The following CRPPA variants were observed in gnomAD, a reference collection of about 807,000 sequenced individuals.
CRPPA encodes the protein CDP-L-ribitol pyrophosphorylase A, also known as D-ribitol-5-phosphate cytidylyltransferase.
Under a neutral mutation model 52.0 loss-of-function variants are expected in CRPPA, and 43 were observed. The observed-to-expected ratio is 0.83, with a 90% CI of 0.65 to 1.07. The LOEUF (loss-of-function observed/expected upper bound fraction) is 1.07, where lower values mean the gene tolerates loss of function less well. Among genes scored for constraint, CRPPA ranks in the 50% least tolerant of loss-of-function variants. The pLI, the probability that CRPPA is intolerant of heterozygous loss-of-function variation, is 0.00. For missense variants in CRPPA, 629 were observed against 551.7 expected (o/e 1.14, Z -1.40); for synonymous variants, 250 against 203.5 (o/e 1.23, Z -1.94).
intron 1 of CRPPA, among the ~76,000 whole-genome samples, chr7:16,407,012 G>C (rs764767617): frequency 6.6e-6 from 1 of 152,192 alleles, no homozygotes; most frequent in Non-Finnish European, 1.5e-5. Flanking sequence ...GTCTCACTCT[G>C]TGCCCCATGC....
intron 5 of CRPPA, among the ~76,000 whole-genome samples, chr7:16,279,011 T>C (rs1423218295): frequency 6.6e-6 from 1 of 152,226 alleles, no homozygotes; most frequent in Non-Finnish European, 1.5e-5. Context: ...TTCTGTCTTA[T>C]AATTAACAGC....
At chr7:16,356,968 C>T (rs1786311684) in intron 3 of CRPPA, among the ~76,000 whole-genome samples, 2 of 152,050 alleles carry the variant, frequency 1.3e-5, no homozygotes, top group African/African-American at 4.8e-5. Flanking sequence ...AATGAAAAGC[C>T]AAAGATGTTT....
chr7:16,385,502 G>A (rs903423421), intron 2 of CRPPA, among the ~76,000 whole-genome samples: 1 of 152,084 alleles, frequency 6.6e-6, no homozygotes, highest in Non-Finnish European at 1.5e-5. Context: ...TCACTAATAG[G>A]AAAAATATCT....
intron 4 of CRPPA, among the ~76,000 whole-genome samples, chr7:16,302,326 A>C (rs1784807401): frequency 2.1e-5 from 3 of 143,946 alleles, no homozygotes; most frequent in African/African-American, 5.1e-5. Context: ...AAAAAATGCA[A>C]CCTCCTCATA....
At chr7:16,229,919 T>C (rs1782748250) in intron 8 of CRPPA, among the ~76,000 whole-genome samples, 2 of 151,896 alleles carry the variant, frequency 1.3e-5, no homozygotes, top group African/African-American at 4.9e-5. Context: ...TATTCTTGGC[T>C]GACAGTTTTT....
intron 3 of CRPPA, among the ~76,000 whole-genome samples, chr7:16,333,285 T>C (rs1226526535): frequency 1.3e-5 from 2 of 152,198 alleles, no homozygotes; most frequent in East Asian, 3.9e-4. Flanking sequence ...TTGATATCTA[T>C]TGACTACTTC....
intron 5 of CRPPA, among the ~76,000 whole-genome samples, chr7:16,298,963 C>G (rs1051207153): frequency 2.0e-5 from 3 of 152,188 alleles, no homozygotes; most frequent in Non-Finnish European, 4.4e-5. Flanking sequence ...GGAACTCTAC[C>G]ACTGGCTTTC....
intron 9 of CRPPA, among the ~76,000 whole-genome samples, chr7:16,186,888 TC>T (rs1781514988): frequency 1.3e-5 from 2 of 152,266 alleles, no homozygotes; most frequent in South Asian, 2.1e-4. Context: ...TTCAATGCAT[TC>T]AACGTTTGTT....
chr7:16,327,702 A>G (rs1471520124), intron 3 of CRPPA, among the ~76,000 whole-genome samples: 1 of 151,948 alleles, frequency 6.6e-6, no homozygotes, highest in Non-Finnish European at 1.5e-5. Context: ...ACATTCATAC[A>G]TTCAATTTAT....
intron 9 of CRPPA, chr7:16,208,945 G>C: frequency 2.6e-6 from 1 of 383,278 alleles, no homozygotes; most frequent in Non-Finnish European, 5.2e-6. Context: ...TCCCACAAAC[G>C]TGGTGAACAT....
intron 8 of CRPPA, among the ~76,000 whole-genome samples, chr7:16,256,170 T>C (rs1343401772): frequency 6.6e-6 from 1 of 152,130 alleles, no homozygotes; most frequent in Non-Finnish European, 1.5e-5. Context: ...GACACTTATG[T>C]AGCCAAGAAA....
intron 9 of CRPPA, among the ~76,000 whole-genome samples, chr7:16,214,953 T>C (rs1249983033): frequency 6.6e-6 from 1 of 152,208 alleles, no homozygotes; most frequent in African/African-American, 2.4e-5. Context: ...AATTCCATTA[T>C]CCTACGTGAA....
chr7:16,276,681 T>C (rs1185020772), intron 6 of CRPPA: 2 of 152,156 alleles, frequency 1.3e-5, no homozygotes, highest in Non-Finnish European at 2.9e-5. Context: ...CCAAAATGAT[T>C]TTTAAGGTAT....
At chr7:16,210,717 T>C (rs1180439219) in intron 9 of CRPPA, 1 of 152,180 alleles carries the variant, frequency 6.6e-6, no homozygotes, top group Non-Finnish European at 1.5e-5. Flanking sequence ...TGTTGGGTTA[T>C]ATAGTAATAG....
intron 1 of CRPPA, among the ~76,000 whole-genome samples, chr7:16,412,213 TCAAA>T (rs1403640539): frequency 1.3e-5 from 2 of 152,178 alleles, no homozygotes; most frequent in Non-Finnish European, 2.9e-5. Context: ...CCAGTATTTC[TCAAA>T]CTGCCAATTT....
At chr7:16,410,135 CCCT>C (rs1788047438) in intron 1 of CRPPA, among the ~76,000 whole-genome samples, 1 of 152,164 alleles carries the variant, frequency 6.6e-6, no homozygotes, top group South Asian at 2.1e-4. Context: ...AGGTATTTGA[CCCT>C]CTGCTCTGGT....
intron 8 of CRPPA, among the ~76,000 whole-genome samples, chr7:16,245,243 G>A (rs1783237780): frequency 6.6e-6 from 1 of 152,172 alleles, no homozygotes; most frequent in African/African-American, 2.4e-5. Flanking sequence ...TGTATCAGTA[G>A]TTTTCCCTCT....
In CRPPA at chr7:16,133,642, A is replaced by G. The variant is rs200494686; in HGVS notation, c.1252-41843T>C. ...CCATGGTTCTTAGGTATTTTTCATC[A>G]TGTTTAGTCTAATACTGTAAACCTT... is the stretch of plus-strand genomic sequence containing the variant. On this transcript the variant is annotated intron_variant, in intron 9 of 9. Transcript: ENST00000407010. Among the ~76,000 whole-genome samples the G allele has an allele frequency of 1.2e-4, 15 of 124,120 alleles. 5 individuals carry two copies. The East Asian group carries it at 5.2e-3, about 43-fold the overall frequency. The allele number at this position is 124,120 out of a possible 152,430, so 81.4% of individuals were successfully genotyped here. A position where few individuals can be genotyped will look rare whatever the true frequency, so the allele number is the denominator to read the frequency against.
At chr7:16,236,643 A>T (rs1782957906) in intron 8 of CRPPA, among the ~76,000 whole-genome samples, 1 of 152,100 alleles carries the variant, frequency 6.6e-6, no homozygotes, top group African/African-American at 2.4e-5. Flanking sequence ...TCTTAATCCT[A>T]AGGCAACAGC....
Sources: allele counts gnomAD v4.1 joint callset (sites outside exome capture counted in the v4.1 genomes callset), GRCh38; gene constraint gnomAD v4.1.1; transcripts MANE v1.5; gene names NCBI Gene and HGNC (gene_info 2026-07-23, HGNC 2026-07-21).